SEZ6L: variants seen among roughly 807,000 people sequenced by gnomAD.
SEZ6L encodes the protein seizure related 6 homolog like.
SEZ6L carries 37 observed loss-of-function variants against 106.2 expected under a neutral mutation model. The observed-to-expected ratio is 0.35, with a 90% CI of 0.27 to 0.46. SEZ6L has a LOEUF of 0.46. Ranked by LOEUF, SEZ6L falls within the 20% of genes least tolerant of loss-of-function variation. The pLI, the probability that SEZ6L is intolerant of heterozygous loss-of-function variation, is 1.00. For missense variants in SEZ6L, 1,172 were observed against 1,332.8 expected (o/e 0.88, Z 1.88); for synonymous variants, 541 against 570.4 (o/e 0.95, Z 0.73).
intron 1 of SEZ6L, among the ~76,000 whole-genome samples, chr22:26,230,708 C>T (rs1156274779): frequency 1.3e-5 from 2 of 152,084 alleles, no homozygotes; most frequent in Non-Finnish European, 2.9e-5. Context: ...TAAGCAGAAG[C>T]CTGAGAAAAG....
In SEZ6L at chr22:26,266,823, A is replaced by G. The variant is rs536705419; in HGVS notation, c.95-25583A>G. ...CAAGCAGAGTAGAGGCTCAATCAGA[A>G]TTAAATGCATAAAGCAACAAATGAA... On this transcript the variant is annotated intron_variant, in intron 1 of 16. Coordinates refer to ENST00000248933, the MANE Select transcript of SEZ6L (RefSeq NM_021115.5). Among the ~76,000 whole-genome samples the G allele has an allele frequency of 9.2e-5, 14 of 152,132 alleles. No individual in the cohort carries two copies. The South Asian group carries it at 2.9e-3, about 32-fold the overall frequency.
chr22:26,236,458 G>A (rs559591615), intron 1 of SEZ6L, among the ~76,000 whole-genome samples: 3 of 152,158 alleles, frequency 2.0e-5, no homozygotes, highest in Non-Finnish European at 4.4e-5. Context: ...GCATTTGGTC[G>A]ATCTCTCTGG....
chr22:26,184,725 A>T (rs1478569336), intron 1 of SEZ6L, among the ~76,000 whole-genome samples: 3 of 152,206 alleles, frequency 2.0e-5, no homozygotes, highest in Non-Finnish European at 2.9e-5. Context: ...CAATGTTTGC[A>T]TAATGGGGTA....
intron 1 of SEZ6L, among the ~76,000 whole-genome samples, chr22:26,172,167 T>C (rs1938667323): frequency 6.6e-6 from 1 of 152,208 alleles, no homozygotes; most frequent in Non-Finnish European, 1.5e-5. Flanking sequence ...TAATTTCTTT[T>C]CTTTTTCTCT....
intron 1 of SEZ6L, among the ~76,000 whole-genome samples, chr22:26,247,369 T>C (rs2079393522): frequency 6.6e-6 from 1 of 152,186 alleles, no homozygotes; most frequent in Admixed American, 6.5e-5. Flanking sequence ...GCTCAGGATG[T>C]AACCTTATTT....
chr22:26,352,914 C>T (rs1197496496), intron 12 of SEZ6L, among the ~76,000 whole-genome samples: 2 of 152,216 alleles, frequency 1.3e-5, no homozygotes, highest in African/African-American at 4.8e-5. Flanking sequence ...TTCAGCTTCC[C>T]CAGCCCACAG....
intron 5 of SEZ6L, among the ~76,000 whole-genome samples, chr22:26,305,584 A>G (rs2081604111): frequency 6.6e-6 from 1 of 152,200 alleles, no homozygotes; most frequent in Non-Finnish European, 1.5e-5. Flanking sequence ...TACTAGAAAT[A>G]TATTTCTTCT....
intron 1 of SEZ6L, among the ~76,000 whole-genome samples, chr22:26,269,469 A>G (rs1002757518): frequency 2.0e-5 from 3 of 152,188 alleles, no homozygotes; most frequent in Non-Finnish European, 4.4e-5. Context: ...ACCCCAGGTC[A>G]AGATTGGAAC....
chr22:26,203,346 G>A (rs952798764), intron 1 of SEZ6L, among the ~76,000 whole-genome samples: 1 of 152,154 alleles, frequency 6.6e-6, no homozygotes, highest in African/African-American at 2.4e-5. Flanking sequence ...TCCCAGATAT[G>A]TTCCTTCACG....
chr22:26,246,527 A>T (rs1296031867), intron 1 of SEZ6L, among the ~76,000 whole-genome samples: 1 of 151,908 alleles, frequency 6.6e-6, no homozygotes, highest in African/African-American at 2.4e-5. Context: ...TTCCCCTCTA[A>T]CTCCAGACTT....
intron 13 of SEZ6L, among the ~76,000 whole-genome samples, chr22:26,370,589 T>TCCAGAAG (rs1000269062): frequency 2.6e-5 from 4 of 151,936 alleles, no homozygotes; most frequent in Admixed American, 6.6e-5. Flanking sequence ...TTCTTTCTTC[T>TCCAGAAG]CCAGAAGCCA....
chr22:26,326,624 G>A (rs1195234175), intron 9 of SEZ6L, among the ~76,000 whole-genome samples: 2 of 152,206 alleles, frequency 1.3e-5, no homozygotes, highest in Admixed American at 6.5e-5. Context: ...AGACCCAGGA[G>A]TGCCAGCCTC....
At chr22:26,201,116 C>T (rs552429205) in intron 1 of SEZ6L, among the ~76,000 whole-genome samples, 1 of 152,274 alleles carries the variant, frequency 6.6e-6, no homozygotes, top group South Asian at 2.1e-4. Flanking sequence ...TTTCTCTCAG[C>T]TGAACTGTAA....
At chr22:26,367,341 T>TTTTG (rs922808546) in intron 13 of SEZ6L, among the ~76,000 whole-genome samples, 21 of 151,950 alleles carry the variant, frequency 1.4e-4, no homozygotes, top group South Asian at 8.3e-4. Flanking sequence ...GTTTGTTTGT[T>TTTTG]TTTGTTTGTT....
At chr22:26,349,637 G>A (rs185974982) in intron 11 of SEZ6L, among the ~76,000 whole-genome samples, 176 of 152,236 alleles carry the variant, frequency 1.2e-3, no homozygotes, top group African/African-American at 4.1e-3. Flanking sequence ...AAATGCTGGG[G>A]TTACAGATGT....
chr22:26,211,961 G>A (rs955001010), intron 1 of SEZ6L, among the ~76,000 whole-genome samples: 9 of 151,952 alleles, frequency 5.9e-5, no homozygotes, highest in African/African-American at 2.2e-4. Context: ...AGGAATATGG[G>A]GGCCATTCAT....
intron 1 of SEZ6L, among the ~76,000 whole-genome samples, chr22:26,222,175 C>A (rs1485401092): frequency 3.3e-5 from 5 of 152,154 alleles, no homozygotes; most frequent in African/African-American, 9.7e-5. Flanking sequence ...TGGGAATCTG[C>A]ATTTTAGCCC....
intron 5 of SEZ6L, among the ~76,000 whole-genome samples, chr22:26,302,244 C>T (rs1194138825): frequency 3.9e-5 from 6 of 152,266 alleles, no homozygotes; most frequent in African/African-American, 1.4e-4. Flanking sequence ...ATGCATAATC[C>T]TGAGCCCCAT....
intron 1 of SEZ6L, among the ~76,000 whole-genome samples, chr22:26,183,620 C>G (rs1569359618): frequency 6.6e-6 from 1 of 152,202 alleles, no homozygotes; most frequent in African/African-American, 2.4e-5. Flanking sequence ...CCAGACTTCA[C>G]AGAGGCAGAG....
Sources: allele counts gnomAD v4.1 joint callset (sites outside exome capture counted in the v4.1 genomes callset), GRCh38; gene constraint gnomAD v4.1.1; transcripts MANE v1.5; gene names NCBI Gene and HGNC (gene_info 2026-07-23, HGNC 2026-07-21).